Variants in CCM2 observed in about 807,000 individuals in gnomAD.
CCM2 encodes the protein CCM2 scaffold protein.
CCM2 carries 25 observed loss-of-function variants against 44.9 expected under a neutral mutation model. The observed-to-expected ratio is 0.56, with a 90% CI of 0.41 to 0.78. The LOEUF (loss-of-function observed/expected upper bound fraction) is 0.78, where lower values mean the gene tolerates loss of function less well. CCM2 is among the 30% of genes least tolerant of loss of function. CCM2 has a pLI of 0.00. For missense variants in CCM2, 481 were observed against 580.6 expected (o/e 0.83, Z 1.76); for synonymous variants, 219 against 241.1 (o/e 0.91, Z 0.85).
chr7:45,072,637 C>A, intron 6 of CCM2, 89 bp from the exon 7 acceptor site: 1 of 1,006,406 alleles, frequency 9.9e-7, no homozygotes, highest in Non-Finnish European at 1.6e-6. Context: ...CTGCCGCTGT[C>A]TCCTGTAAAT....
At chr7:45,059,613 G>A (rs1484671675) in intron 2 of CCM2, among the ~76,000 whole-genome samples, 1 of 152,004 alleles carries the variant, frequency 6.6e-6, no homozygotes, top group African/African-American at 2.4e-5. Context: ...GCTGGGCCTG[G>A]TGGCATGTGC....
chr7:45,065,945 G>A (rs1189320246), intron 4 of CCM2, among the ~76,000 whole-genome samples: 7 of 152,210 alleles, frequency 4.6e-5, no homozygotes, highest in African/African-American at 1.7e-4. Flanking sequence ...GGGACAAGGA[G>A]TGAGGAGACT....
chr7:45,005,808 G>A (rs1368196017), intron 1 of CCM2, among the ~76,000 whole-genome samples: 1 of 152,230 alleles, frequency 6.6e-6, no homozygotes. Flanking sequence ...GGGGCAGGCA[G>A]CAGCCACTTC....
intron 1 of CCM2, among the ~76,000 whole-genome samples, chr7:45,004,921 G>T (rs554470446): frequency 4.5e-4 from 68 of 151,720 alleles, no homozygotes; most frequent in Non-Finnish European, 7.6e-4. Flanking sequence ...GCTTGAACTC[G>T]GGAGATGGAG....
In CCM2 at chr7:45,035,496, C is replaced by T. The variant is rs563621736; in HGVS notation, c.31-2757C>T. Among the ~76,000 whole-genome samples, 57 of 152,046 alleles carry T rather than the reference C, an allele frequency of 3.7e-4. No homozygotes were observed. The South Asian group carries it at 8.1e-3, about 22-fold the overall frequency. On this transcript the variant is annotated intron_variant, in intron 1 of 9. Coordinates refer to ENST00000258781, the MANE Select transcript of CCM2 (RefSeq NM_031443.4). Reference sequence around the variant, plus strand: ...AAGGGGAGAGACTACTCCTGGTCAACGGGGAACTACTCTGGGTCTATGAGA... The same window carrying T: ...AAGGGGAGAGACTACTCCTGGTCAATGGGGAACTACTCTGGGTCTATGAGA...
intron 2 of CCM2, among the ~76,000 whole-genome samples, chr7:45,038,738 TCTC>T (rs1372722956): frequency 2.6e-5 from 4 of 152,294 alleles, no homozygotes; most frequent in Admixed American, 1.3e-4. Flanking sequence ...AAAACTCACA[TCTC>T]CTGTAGTTTG....
chr7:45,045,381 C>CT (rs1237732252), intron 2 of CCM2, among the ~76,000 whole-genome samples: 2 of 105,574 alleles, frequency 1.9e-5, no homozygotes, highest in Non-Finnish European at 3.7e-5. Flanking sequence ...AAAATCACCG[C>CT]TTAAAAAAAT....
At chr7:45,069,700 C>T in intron 5 of CCM2, 126 bp from the exon 6 acceptor site, 2 of 1,238,686 alleles carry the variant, frequency 1.6e-6, no homozygotes, top group Non-Finnish European at 2.3e-6. Context: ...CAGAGGGACA[C>T]ATTCTGGTAT....
chr7:45,030,848 C>G (rs528856446), intron 1 of CCM2, among the ~76,000 whole-genome samples: 1 of 152,022 alleles, frequency 6.6e-6, no homozygotes, highest in Non-Finnish European at 1.5e-5. Flanking sequence ...CTCAGCCTCC[C>G]GAGTAGCTGG....
At chr7:45,001,664 T>G (rs1795637757) in intron 1 of CCM2, among the ~76,000 whole-genome samples, 1 of 152,164 alleles carries the variant, frequency 6.6e-6, no homozygotes, top group Non-Finnish European at 1.5e-5. Context: ...ACCTGGCCCA[T>G]CTACCTGTGT....
chr7:45,059,125 C>T (rs1247491308), intron 2 of CCM2, among the ~76,000 whole-genome samples: 2 of 152,122 alleles, frequency 1.3e-5, no homozygotes, highest in African/African-American at 2.4e-5. Context: ...AGGTGATCCA[C>T]CCATCTTGGC....
chr7:45,026,729 A>G (rs1057098297), intron 1 of CCM2, among the ~76,000 whole-genome samples: 8 of 151,428 alleles, frequency 5.3e-5, no homozygotes, highest in East Asian at 1.9e-4. Flanking sequence ...CAGCCTCCCA[A>G]GTAGCTGGGA....
chr7:44,999,853 G>C, upstream of CCM2: 1 of 414,102 alleles, frequency 2.4e-6, no homozygotes, highest in Non-Finnish European at 4.9e-6. Context: ...CAGGGGGCTG[G>C]ACAGGTGCGT....
At chr7:45,040,387 A>C (rs13231500) in intron 2 of CCM2, among the ~76,000 whole-genome samples, 12,488 of 152,178 alleles carry the variant, frequency 0.082, 1,200 homozygotes, top group African/African-American at 0.23. Context: ...TCAAAAAAAA[A>C]AGTAAAAAAA....
intron 2 of CCM2, among the ~76,000 whole-genome samples, chr7:45,047,423 C>T (rs576661764): frequency 1.3e-5 from 2 of 152,222 alleles, no homozygotes; most frequent in East Asian, 3.9e-4. Context: ...TGTAGTCCCA[C>T]CTACTGGGGA....
chr7:45,054,937 C>G (rs889322086), intron 2 of CCM2, among the ~76,000 whole-genome samples: 1 of 152,198 alleles, frequency 6.6e-6, no homozygotes, highest in African/African-American at 2.4e-5. Flanking sequence ...GATATTAGAA[C>G]AAGGATTAGA....
intron 2 of CCM2, among the ~76,000 whole-genome samples, chr7:45,044,979 A>G (rs1208260990): frequency 6.6e-6 from 1 of 152,240 alleles, no homozygotes; most frequent in Admixed American, 6.5e-5. Flanking sequence ...TAGTTTGGAT[A>G]GTGCTGTTCT....
chr7:45,006,180 C>G (rs898629972), intron 1 of CCM2, among the ~76,000 whole-genome samples: 1 of 152,094 alleles, frequency 6.6e-6, no homozygotes, highest in African/African-American at 2.4e-5. Flanking sequence ...GTAACGAAGT[C>G]CCCTGTGCCC....
intron 1 of CCM2, among the ~76,000 whole-genome samples, chr7:45,003,925 A>G (rs1311973208): frequency 6.6e-6 from 1 of 152,198 alleles, no homozygotes; most frequent in Non-Finnish European, 1.5e-5. Context: ...TACGCCTGTA[A>G]TCCCAGCACT....
Sources: allele counts gnomAD v4.1 joint callset (sites outside exome capture counted in the v4.1 genomes callset), GRCh38; gene constraint gnomAD v4.1.1; transcripts MANE v1.5; gene names NCBI Gene and HGNC (gene_info 2026-07-23, HGNC 2026-07-21).